The following CIAO3 variants were observed in gnomAD, a reference collection of about 807,000 sequenced individuals.
CIAO3 encodes LET1 like/JFP15.
In CIAO3, 45 loss-of-function variants were observed where a neutral mutation model predicts 51.5. The ratio of observed to expected loss-of-function variants is 0.87; its 90% confidence interval spans 0.69 to 1.12. The LOEUF (loss-of-function observed/expected upper bound fraction) is 1.12. CIAO3 is among the 50% of genes most tolerant of loss of function. The pLI, the probability that CIAO3 is intolerant of heterozygous loss-of-function variation, is 0.00. For synonymous variants in CIAO3, 314 were observed against 269.3 expected (o/e 1.17, Z -1.63); for missense variants, 668 against 632.5 (o/e 1.06, Z -0.60).
chr16:734,903 C>G, intron 4 of CIAO3, 32 bp from the exon 5 acceptor site: 1 of 1,520,456 alleles, frequency 6.6e-7, no homozygotes, highest in African/African-American at 1.4e-5. Flanking sequence ...CTGGTTAACC[C>G]CATGCGGGAC....
chr16:732,644 C>A, intron 7 of CIAO3: 1 of 435,558 alleles, frequency 2.3e-6, no homozygotes, highest in Non-Finnish European at 4.3e-6. Context: ...GTCTGCTTTT[C>A]TTTTTTTTTT....
rs2041307294 is a variant in CIAO3, at chr16:733,619, A to G, written c.694-192T>C. On this transcript the variant is annotated intron_variant, in intron 6 of 10. Transcript: ENST00000251588. ...GGACGGGCCCTGGCTGTGACAGAAA[A>G]TGACACTGACCCATTCCCAGTGTGC... is the stretch of plus-strand genomic sequence containing the variant. 70 of 767,376 alleles carry G rather than the reference A, an allele frequency of 9.1e-5. 5 individuals carry two copies. The South Asian group carries it at 1.3e-3, about 14-fold the overall frequency. The allele number at this position is 767,376 out of a possible 1,614,324, so 47.5% of individuals were successfully genotyped here. A position where few individuals can be genotyped will look rare whatever the true frequency, so the allele number is the denominator to read the frequency against.
chr16:737,793 G>A lies in CIAO3; in HGVS notation c.163-464C>T, dbSNP rs533515826. ...GAGGAAGCCTGGGAGCCTGGCCTCC[G>A]GTGGGCGGGGCAGAAACAACCGTCA... is the stretch of plus-strand genomic sequence containing the variant. On this transcript the variant is annotated intron_variant, in intron 2 of 10. Coordinates refer to ENST00000251588, the MANE Select transcript of CIAO3 (RefSeq NM_022493.3). This position sits in a 1 kb window ranked among gnomAD's most constrained non-coding sequence, Gnocchi z 5.3. 32 of 1,205,102 alleles carry A rather than the reference G, an allele frequency of 2.7e-5. No homozygotes were observed. Among genetic ancestry groups the A allele is most frequent in the South Asian group, 1.5e-4 (10 of 67,444 alleles). 74.7% of individuals were successfully genotyped at this position (1,205,102 alleles called of 1,614,324 possible).
In CIAO3 at chr16:732,329, C is replaced by G. The variant is rs368081272; in HGVS notation, c.868G>C (p.Asp290His). 8 of 1,612,630 alleles carry G rather than the reference C, an allele frequency of 5.0e-6. No individual in the cohort carries two copies. The highest frequency in any genetic ancestry group is 2.7e-5 in the African/African-American group (2 of 74,904). The change falls in exon 8 of 11, where the codon GAC becomes CAC. Residue 290 changes from aspartate (D) to histidine (H), a missense_variant. Coordinates refer to ENST00000251588, the MANE Select transcript of CIAO3 (RefSeq NM_022493.3). The stretch of plus-strand genomic sequence containing the variant: ...CTGTCCAGAGGGGCTGGTTCCAGGT[C>G]GGGGAGGGAGACGCCCTCTTCCTCC... ...LLEEEGVSLPDLEPAPLDSLC... is the reference protein window; with the variant it reads ...LLEEEGVSLPHLEPAPLDSLC...
In CIAO3 at chr16:734,871, C is replaced by A; in HGVS notation, c.440G>T (p.Gly147Val). The A allele has an allele frequency of 6.5e-7, 1 of 1,550,044 alleles. No homozygotes were observed. The highest frequency in any genetic ancestry group is 1.2e-5 in the South Asian group (1 of 81,828). ...GGCGGTGTCGAAGACGAAGTGCACC[C>A]CTGGAAGGTGAAGGTGGGTGCCTGG... ...RKLTSFFKKI[G>V]VHFVFDTAFS... The change falls in exon 5 of 11, where the codon GGG becomes GTG. Residue 147 changes from glycine to valine, a missense_variant and splice_region_variant. Physicochemically the swap from Gly to Val is moderately radical, Grantham distance 109. Coordinates refer to ENST00000251588, the MANE Select transcript of CIAO3 (RefSeq NM_022493.3).
chr16:730,558 C>T lies in CIAO3; in HGVS notation c.1290G>A (p.Glu430=). 6.2e-7 allele frequency: 1 copy of T among 1,610,992 alleles called. No individual in the cohort carries two copies. Among genetic ancestry groups the T allele is most frequent in the African/African-American group, 1.3e-5 (1 of 75,068 alleles). The part of the protein sequence containing the change: ...VERLYGMVRA[E]APEDAPGVQE... ...GAACCCCAGGCGCGTCCTCGGGCGCCTCAGCCCGGACCATGCCGTACAGTC... is the reference window on the plus strand; with the variant it reads ...GAACCCCAGGCGCGTCCTCGGGCGCTTCAGCCCGGACCATGCCGTACAGTC... The change falls in exon 11 of 11, where the codon GAG becomes GAA. Residue 430 remains glutamate, a synonymous_variant. Coordinates refer to ENST00000251588, the MANE Select transcript of CIAO3 (RefSeq NM_022493.3).
At chr16:739,247 C>T (rs186021406) in intron 2 of CIAO3, 3 of 195,664 alleles carry the variant, frequency 1.5e-5, no homozygotes, top group African/African-American at 2.4e-5. Flanking sequence ...TGCAGTGAGC[C>T]GAGATCATGC....
chr16:730,222 G>A lies in CIAO3; in HGVS notation c.*195C>T. ...GGCCACCCCACCCCACCTGGGCAGA[G>A]CCAGTGGGAACCCAGAGGCACCCAA... On this transcript the variant is annotated 3_prime_UTR_variant, in exon 11 of 11. Coordinates refer to ENST00000251588, the MANE Select transcript of CIAO3 (RefSeq NM_022493.3). The A allele has an allele frequency of 1.6e-6, 1 of 617,168 alleles. No individual in the cohort carries two copies. Among genetic ancestry groups the A allele is most frequent in the East Asian group, 2.8e-5 (1 of 36,214 alleles). 38.2% of individuals were successfully genotyped at this position (617,168 alleles called of 1,614,324 possible).
intron 3 of CIAO3, chr16:736,866 G>A (rs571089803): frequency 1.1e-5 from 4 of 369,444 alleles, no homozygotes; most frequent in African/African-American, 8.2e-5. Flanking sequence ...GTTTCACCAT[G>A]TTGGCCACGG....
chr16:737,212 G>C lies in CIAO3; in HGVS notation c.280C>G (p.Leu94Val). 6.2e-7 allele frequency: 1 copy of C among 1,613,756 alleles called. No individual in the cohort carries two copies. Among genetic ancestry groups the C allele is most frequent in the Non-Finnish European group, 8.5e-7 (1 of 1,180,004 alleles). Residue 94 changes from leucine (L) to valine (V), a missense_variant, in exon 3 of 11, where the codon CTG (leucine) becomes GTG (valine). By Grantham distance (32) the Leu-to-Val change is conservative. Transcript: ENST00000251588. The surrounding 1 kb of genome is among the most constrained non-coding windows in gnomAD (Gnocchi z 5.3). ...TTGTTAGCATCTAGAACCTTCTTCA[G>C]CTCCTCGTGGCTCTGCTGGGTGATA... ...VLITQQSHEE[L>V]KKVLDANKMA...
At chr16:740,050 G>C in intron 1 of CIAO3, 1 of 1,390,476 alleles carries the variant, frequency 7.2e-7, no homozygotes, top group Non-Finnish European at 9.5e-7. Flanking sequence ...CAGGGGGCGT[G>C]ACCACCACAG....
rs1452221152 is a variant in CIAO3 at position 732,350 on chromosome 16, C to T, written c.847G>A (p.Glu283Lys). Residue 283 changes from glutamate to lysine, a missense_variant, in exon 8 of 11, where the codon GAA becomes AAA. By Grantham distance (56) the Glu-to-Lys change is moderately conservative. Coordinates refer to ENST00000251588, the MANE Select transcript of CIAO3 (RefSeq NM_022493.3). Reference protein sequence around the residue: ...TTGEVFRLLEEEGVSLPDLEP... With the variant: ...TTGEVFRLLEKEGVSLPDLEP... ...AGGTCGGGGAGGGAGACGCCCTCTT[C>T]CTCCAGCAACCTGAAAACTTCTCCT... 6 of 1,612,950 alleles carry T rather than the reference C, an allele frequency of 3.7e-6. No individual in the cohort carries two copies. The highest frequency in any genetic ancestry group is 4.5e-5 in the East Asian group (2 of 44,888).
chr16:736,146 T>C, intron 4 of CIAO3, 120 bp downstream of exon 4: 2 of 1,298,014 alleles, frequency 1.5e-6, no homozygotes, highest in African/African-American at 1.5e-5. Context: ...ATAAAGTTTC[T>C]GTAGCGCTGA....
chr16:733,380 A>G lies in CIAO3; in HGVS notation c.741T>C (p.Tyr247=), dbSNP rs1368939997. The change falls in exon 7 of 11, where the codon TAT becomes TAC. Residue 247 remains tyrosine (Y), a synonymous_variant. Transcript: ENST00000251588. The part of the protein sequence containing the change: ...KIYHVTVMPC[Y]DKKLEASRPD... ...GTCTGGAGGCTTCCAGCTTTTTGTC[A>G]TAGCAGGGCATCACTGTGACGTGGT... is the stretch of plus-strand genomic sequence containing the variant. 1.2e-6 allele frequency: 2 copies of G among 1,613,788 alleles called. No homozygotes were observed. Among genetic ancestry groups the G allele is most frequent in the Non-Finnish European group, 1.7e-6 (2 of 1,180,002 alleles).
rs972995314 is a variant in CIAO3, at chr16:733,294, G to A, written c.823+4C>T. On this transcript the variant is annotated splice_donor_region_variant and intron_variant, in intron 7 of 10. Transcript: ENST00000251588. ...GGGCTCAGGGCCGCACGGCGTGACC[G>A]CACCTGTTGTGAGGACACAGTCCAC... 3.1e-6 allele frequency: 5 copies of A among 1,612,920 alleles called. No homozygotes were observed. Among genetic ancestry groups the A allele is most frequent in the African/African-American group, 2.7e-5 (2 of 74,940 alleles).
intron 3 of CIAO3, 115 bp from the exon 4 acceptor site, chr16:736,513 A>G (rs2041339970): frequency 1.5e-6 from 2 of 1,307,002 alleles, no homozygotes; most frequent in Non-Finnish European, 1.0e-6. Context: ...AGCTCCATCA[A>G]GAGTCTTTTT....
At chr16:732,235 G>A in intron 8 of CIAO3, 66 bp downstream of exon 8, 1 of 1,504,122 alleles carries the variant, frequency 6.6e-7, no homozygotes, top group South Asian at 1.2e-5. Flanking sequence ...CCAGAGCAGG[G>A]GGATGCTATC....
In CIAO3 at chr16:733,560, C is replaced by A. The variant is rs1189315389; in HGVS notation, c.694-133G>T. 7 of 1,372,106 alleles carry A rather than the reference C, an allele frequency of 5.1e-6. No homozygotes were observed. In the East Asian group the frequency reaches 1.2e-4, roughly 23 times the overall value. The allele number at this position is 1,372,106 out of a possible 1,614,324, so 85.0% of individuals were successfully genotyped here. A position where few individuals can be genotyped will look rare whatever the true frequency, so the allele number is the denominator to read the frequency against. Reference sequence around the variant, plus strand: ...GAGCCTCACTCCATTTCCCAGCAAGCCTCCTGCCGGCTCTGCGGATGTGTC... The same window carrying A: ...GAGCCTCACTCCATTTCCCAGCAAGACTCCTGCCGGCTCTGCGGATGTGTC... On this transcript the variant is annotated intron_variant, in intron 6 of 10. Transcript: ENST00000251588.
At chr16:736,903 A>G in intron 3 of CIAO3, 1 of 435,770 alleles carries the variant, frequency 2.3e-6, no homozygotes, top group South Asian at 2.5e-5. Context: ...ACCTCAGGTG[A>G]TCCACCCGGC....
Sources: allele counts gnomAD v4.1 joint callset, GRCh38; gene constraint gnomAD v4.1.1; non-coding constraint Gnocchi (gnomAD v3.1); transcripts MANE v1.5; gene names NCBI Gene and HGNC (gene_info 2026-07-23, HGNC 2026-07-21).